The following UBASH3B variants were observed in gnomAD, a reference collection of about 807,000 sequenced individuals.
UBASH3B encodes the protein ubiquitin-associated and SH3 domain-containing protein B.
In UBASH3B, 37 loss-of-function variants were observed where a neutral mutation model predicts 83.4. The observed-to-expected ratio is 0.44, with a 90% confidence interval of 0.34 to 0.58. The LOEUF is 0.58. Ranked by LOEUF, UBASH3B falls within the 20% of genes least tolerant of loss-of-function variation. UBASH3B has a pLI of 0.01. For synonymous variants in UBASH3B, 304 were observed against 318.3 expected (o/e 0.96, Z 0.48); for missense variants, 657 against 827.2 (o/e 0.79, Z 2.52).
intron 1 of UBASH3B, among the ~76,000 whole-genome samples, chr11:122,710,773 C>T (rs1331112008): frequency 6.6e-6 from 1 of 151,862 alleles, no homozygotes; most frequent in East Asian, 1.9e-4. Flanking sequence ...ACAGAAAGCC[C>T]ATGCCGCATA....
intron 6 of UBASH3B, 97 bp from the exon 7 acceptor site, chr11:122,794,605 G>T: frequency 6.7e-7 from 1 of 1,498,552 alleles, no homozygotes; most frequent in South Asian, 1.2e-5. Flanking sequence ...ACCCACAGAG[G>T]GCTTTGAGTT....
intron 1 of UBASH3B, among the ~76,000 whole-genome samples, chr11:122,753,538 G>A (rs1336044344): frequency 3.9e-5 from 5 of 128,370 alleles, no homozygotes; most frequent in Admixed American, 8.8e-5. Context: ...CACTATTGTC[G>A]CCCAGGCTGG....
At chr11:122,793,306 C>G (rs575285296) in intron 6 of UBASH3B, among the ~76,000 whole-genome samples, 19 of 152,312 alleles carry the variant, frequency 1.2e-4, no homozygotes, top group African/African-American at 4.6e-4. Flanking sequence ...TCGCTTGAAC[C>G]TGCAGGGTGG....
At chr11:122,722,514 A>C (rs1860657188) in intron 1 of UBASH3B, among the ~76,000 whole-genome samples, 1 of 152,168 alleles carries the variant, frequency 6.6e-6, no homozygotes. Flanking sequence ...GCTCAGTGGC[A>C]GAAGGAACCA....
At chr11:122,720,469 C>G (rs1860605016) in intron 1 of UBASH3B, among the ~76,000 whole-genome samples, 1 of 152,176 alleles carries the variant, frequency 6.6e-6, no homozygotes, top group Non-Finnish European at 1.5e-5. Flanking sequence ...GAGATCCTTT[C>G]AAAGTGTAAG....
intron 1 of UBASH3B, among the ~76,000 whole-genome samples, chr11:122,765,154 T>C (rs1310870267): frequency 6.6e-6 from 1 of 152,096 alleles, no homozygotes; most frequent in African/African-American, 2.4e-5. Context: ...TTTTTGTCTT[T>C]GGAAGATAAG....
chr11:122,683,069 A>G (rs370188802), intron 1 of UBASH3B, among the ~76,000 whole-genome samples: 5 of 152,082 alleles, frequency 3.3e-5, no homozygotes. Flanking sequence ...TGGGCAATAC[A>G]GTAAGACCCC....
At chr11:122,790,395 A>G (rs1268448450) in intron 6 of UBASH3B, among the ~76,000 whole-genome samples, 1 of 152,086 alleles carries the variant, frequency 6.6e-6, no homozygotes. Flanking sequence ...CCAGAATTGG[A>G]TGGCACAAAA....
At chr11:122,673,701 T>G (rs1863629756) in intron 1 of UBASH3B, among the ~76,000 whole-genome samples, 1 of 152,162 alleles carries the variant, frequency 6.6e-6, no homozygotes, top group African/African-American at 2.4e-5. Flanking sequence ...CTATTGTCAC[T>G]GCAATTTCTG....
intron 3 of UBASH3B, among the ~76,000 whole-genome samples, chr11:122,778,105 TAGAGA>T (rs1245297886): frequency 6.6e-6 from 1 of 151,530 alleles, no homozygotes; most frequent in Non-Finnish European, 1.5e-5. Flanking sequence ...TCTGTGGTAA[TAGAGA>T]AGAGTTGATT....
chr11:122,732,186 C>A (rs1321995593), intron 1 of UBASH3B, among the ~76,000 whole-genome samples: 1 of 152,120 alleles, frequency 6.6e-6, no homozygotes, highest in Non-Finnish European at 1.5e-5. Context: ...CATATGCATA[C>A]ATGTGAGGAC....
intron 1 of UBASH3B, among the ~76,000 whole-genome samples, chr11:122,675,201 G>C (rs1394633414): frequency 6.6e-6 from 1 of 152,182 alleles, no homozygotes; most frequent in African/African-American, 2.4e-5. Flanking sequence ...GTTTATTTTT[G>C]TTCCTGGATC....
chr11:122,783,430 G>T (rs1310796703), intron 5 of UBASH3B, among the ~76,000 whole-genome samples: 1 of 151,988 alleles, frequency 6.6e-6, no homozygotes, highest in Non-Finnish European at 1.5e-5. Flanking sequence ...GTCACAAGTG[G>T]TTCATCTGGG....
At chr11:122,787,690 G>A (rs2135158728) in intron 5 of UBASH3B, among the ~76,000 whole-genome samples, 1 of 152,288 alleles carries the variant, frequency 6.6e-6, no homozygotes, top group East Asian at 1.9e-4. Flanking sequence ...TGGTTCTGTA[G>A]AAATAATTAT....
intron 1 of UBASH3B, among the ~76,000 whole-genome samples, chr11:122,676,590 G>A (rs543115616): frequency 4.3e-4 from 66 of 152,116 alleles, no homozygotes; most frequent in Non-Finnish European, 7.8e-4. Context: ...GCACAGGCCC[G>A]TAGTCTCAGT....
At chr11:122,788,462 G>A (rs1186094163) in intron 5 of UBASH3B, among the ~76,000 whole-genome samples, 1 of 152,142 alleles carries the variant, frequency 6.6e-6, no homozygotes, top group Non-Finnish European at 1.5e-5. Flanking sequence ...CTAGCTACCA[G>A]GGAGGCTGAG....
chr11:122,705,062 T>C (rs1315377161), intron 1 of UBASH3B, among the ~76,000 whole-genome samples: 3 of 152,326 alleles, frequency 2.0e-5, no homozygotes, highest in African/African-American at 7.2e-5. Flanking sequence ...GCCTTGGCTC[T>C]GCACAGACAG....
chr11:122,713,993 C>A (rs1452157848), intron 1 of UBASH3B, among the ~76,000 whole-genome samples: 1 of 152,172 alleles, frequency 6.6e-6, no homozygotes, highest in East Asian at 1.9e-4. Context: ...CATGGATAAT[C>A]AGACTCTGGA....
intron 1 of UBASH3B, among the ~76,000 whole-genome samples, chr11:122,764,872 A>G (rs1860505758): frequency 6.6e-6 from 1 of 152,238 alleles, no homozygotes; most frequent in Admixed American, 6.5e-5. Context: ...TCCTGGAACC[A>G]GCCTAAGCCA....
Sources: gnomAD v4.1 joint callset for allele counts (sites outside exome capture counted in the v4.1 genomes callset) on GRCh38, gnomAD v4.1.1 for gene constraint, MANE v1.5 for transcripts, NCBI Gene and HGNC (gene_info 2026-07-23, HGNC 2026-07-21) for gene names.